The following TTN variants were observed in gnomAD, a reference collection of about 807,000 sequenced individuals.
The protein encoded by TTN is titin.
TTN carries 1,525 observed loss-of-function variants against 3,223.0 expected under a neutral mutation model. The ratio of observed to expected loss-of-function variants is 0.47; its 90% confidence interval spans 0.45 to 0.49. TTN has a LOEUF of 0.49. Among genes scored for constraint, TTN ranks in the 20% least tolerant of loss-of-function variants. The probability of loss-of-function intolerance (pLI) is 0.00; values close to 1 mark genes in which losing one functional copy is unlikely to be tolerated. For synonymous variants in TTN, 14,094 were observed against 15,161.0 expected (o/e 0.93, Z 5.17); for missense variants, 40,786 against 43,424.0 (o/e 0.94, Z 5.40).
Position 178,757,524 on chromosome 2 carries a change from A to C in TTN, c.10678+18T>G. The C allele has an allele frequency of 1.3e-6, 2 of 1,528,344 alleles. No homozygotes were observed. The highest frequency in any genetic ancestry group is 1.8e-6 in the Non-Finnish European group (2 of 1,138,022). 94.7% of individuals were successfully genotyped at this position (1,528,344 alleles called of 1,614,324 possible). A position where few individuals can be genotyped will look rare whatever the true frequency, so the allele number is the denominator to read the frequency against. Reference sequence around the variant, plus strand: ...GGTATACAGCAAATCAAAGTCCTTGAAGCAAGATGGGCTTTACCTTTTGGA... The same window carrying C: ...GGTATACAGCAAATCAAAGTCCTTGCAGCAAGATGGGCTTTACCTTTTGGA... On this transcript the variant is annotated intron_variant, in intron 45 of 362. Coordinates refer to ENST00000589042, the MANE Select transcript of TTN (RefSeq NM_001267550.2).
rs1347409697 is a variant in TTN, at chr2:178,735,922, T to C, written c.14524A>G (p.Arg4842Gly). The change falls in exon 50 of 363, where the codon AGG becomes GGG. Residue 4842 changes from arginine to glycine, a missense_variant. Physicochemically the swap from Arg to Gly is moderately radical, Grantham distance 125. Coordinates refer to ENST00000589042, the MANE Select transcript of TTN (RefSeq NM_001267550.2). ...GAALSPSPNW[R>G]ISDAENKHIL... ...TGTTTGTTTTCTGCGTCGGAAATCC[T>C]CCAGTTAGGTGAAGGTGAGAGTGCA... is the stretch of plus-strand genomic sequence containing the variant. The C allele has an allele frequency of 2.5e-6, 4 of 1,613,826 alleles. No individual in the cohort carries two copies. Among genetic ancestry groups the C allele is most frequent in the Non-Finnish European group, 3.4e-6 (4 of 1,179,838 alleles).
rs1481397518 is a variant in TTN, at chr2:178,607,587, C to T, written c.53101G>A (p.Val17701Ile). ...TCTTTGGTCCATACTTTTGTAGGTA[C>T]AGGGCGACCAGTCACCACAGCTGGA... ...RIPAVVTGRP[V>I]PTKVWTKEEG... Residue 17701 changes from valine (V) to isoleucine (I), a missense_variant, in exon 277 of 363, where the codon GTA becomes ATA. By Grantham distance (29) the Val-to-Ile change is conservative (BLOSUM62 3). Transcript: ENST00000589042. 10 of 1,613,056 alleles carry T rather than the reference C, an allele frequency of 6.2e-6. No homozygotes were observed. The highest frequency in any genetic ancestry group is 8.5e-6 in the Non-Finnish European group (10 of 1,179,384).
chr2:178,539,597 T>A lies in TTN; in HGVS notation c.98468A>T (p.Asp32823Val). Residue 32823 changes from aspartate (D) to valine (V), a missense_variant, in exon 352 of 363, where the codon GAT becomes GTT. By Grantham distance (152) the Asp-to-Val change is radical. Coordinates refer to ENST00000589042, the MANE Select transcript of TTN (RefSeq NM_001267550.2). Reference protein sequence around the residue: ...VRVSWRPPADDGGADILGYIL... With the variant: ...VRVSWRPPADVGGADILGYIL... ...GTAGCCTAAGATGTCAGCACCACCA[T>A]CATCAGCAGGAGGTCTCCAGCTGAC... 1 of 1,613,874 alleles carries A rather than the reference T, an allele frequency of 6.2e-7. No homozygotes were observed. Among genetic ancestry groups the A allele is most frequent in the Non-Finnish European group, 8.5e-7 (1 of 1,179,798 alleles).
At chr2:178,556,153 G>C (rs1701333573) in intron 330 of TTN, 1 of 152,394 alleles carries the variant, frequency 6.6e-6, no homozygotes, top group Non-Finnish European at 1.5e-5. Flanking sequence ...GTTTAGACCA[G>C]GCATGGTGGC....
At chr2:178,774,137 G>C (rs2091918243) in intron 30 of TTN, 27 bp from the exon 31 acceptor site, 1 of 1,614,064 alleles carries the variant, frequency 6.2e-7, no homozygotes, top group African/African-American at 1.3e-5. Context: ...GAAAAAGAAT[G>C]TTATGATCAT....
chr2:178,783,235 ATATAT>A lies in TTN; in HGVS notation c.2842-176_2842-172del, dbSNP rs67143080. On this transcript the variant is annotated intron_variant, in intron 17 of 362. Coordinates refer to ENST00000589042, the MANE Select transcript of TTN (RefSeq NM_001267550.2). ...AAACTAATATTTATATAATATACTA[ATATAT>A]TAGTAAAGAGCTGTAAGGCTCAATA... 0.37 allele frequency among the ~76,000 whole-genome samples: 56,761 copies of A among 151,676 alleles called. 11,275 individuals are homozygous for A. Among genetic ancestry groups the A allele is most frequent in the Middle Eastern group, 0.45 (133 of 294 alleles).
Position 178,617,368 on chromosome 2 carries a change from C to A in TTN, c.47717G>T (p.Trp15906Leu). Residue 15906 changes from tryptophan (W) to leucine (L), a missense_variant, in exon 254 of 363, where the codon TGG (tryptophan) becomes TTG (leucine). Trp to Leu is a moderately conservative substitution (Grantham distance 61, BLOSUM62 -2). Transcript: ENST00000589042. ...IERCEEGKDN[W>L]IRCNMKLVPE... ...GACAAGTTTCATATTGCAACGAATCCAATTATCTTTTCCTTCTTCGCATCG... is the reference window on the plus strand; with the variant it reads ...GACAAGTTTCATATTGCAACGAATCAAATTATCTTTTCCTTCTTCGCATCG... 6.3e-7 allele frequency: 1 copy of A among 1,585,558 alleles called. No homozygotes were observed. Among genetic ancestry groups the A allele is most frequent in the Non-Finnish European group, 8.6e-7 (1 of 1,169,398 alleles).
intron 295 of TTN, 129 bp from the exon 296 acceptor site, chr2:178,594,775 A>G: frequency 2.9e-6 from 2 of 693,062 alleles, no homozygotes; most frequent in Non-Finnish European, 2.3e-6. Context: ...TAAATAGCAA[A>G]AGAGATCTCA....
Position 178,570,518 on chromosome 2 carries a change from G to A in TTN, c.75614C>T (p.Pro25205Leu), listed in dbSNP as rs1324051113. Residue 25205 changes from proline (P) to leucine (L), a missense_variant, in exon 326 of 363, where the codon CCA (proline) becomes CTA (leucine). By Grantham distance (98) the Pro-to-Leu change is moderately conservative. Transcript: ENST00000589042. The stretch of plus-strand genomic sequence containing the variant: ...AACAACAGGTCCTTCAGGTGGCCCT[G>A]GTCTGTCAAGAACCTTGACATTCAC... Reference protein sequence around the residue: ...VTVNVKVLDRPGPPEGPVVIS... With the variant: ...VTVNVKVLDRLGPPEGPVVIS... The A allele has an allele frequency of 6.8e-6, 11 of 1,613,080 alleles. No homozygotes were observed. Among genetic ancestry groups the A allele is most frequent in the Non-Finnish European group, 8.5e-6 (10 of 1,179,550 alleles).
intron 311 of TTN, 22 bp downstream of exon 311, chr2:178,584,254 A>AC (rs3041809): frequency 1.0e-5 from 16 of 1,530,696 alleles, no homozygotes; most frequent in Non-Finnish European, 1.4e-5. Context: ...AACAACAACA[A>AC]TAAAAAAACC....
rs369753681 is a variant in TTN at position 178,619,901 on chromosome 2, G to A, written c.46430-14C>T. The A allele has an allele frequency of 6.2e-7, 1 of 1,604,004 alleles. No individual in the cohort carries two copies. The highest frequency in any genetic ancestry group is 8.5e-7 in the Non-Finnish European group (1 of 1,177,034). On this transcript the variant is annotated splice_polypyrimidine_tract_variant and intron_variant, in intron 249 of 362. Transcript: ENST00000589042. ...CAACAGGAATTTCTGGAAAGAAAAT[G>A]TGAAATAAATACAAATATGTTTACA...
intron 200 of TTN, 42 bp from the exon 201 acceptor site, chr2:178,652,778 A>C (rs2063299772): frequency 6.2e-7 from 1 of 1,607,552 alleles, no homozygotes; most frequent in South Asian, 1.1e-5. Context: ...GGTTATGAAG[A>C]CCACTAGAAA....
At chr2:178,724,567 A>G (rs1578063321) in intron 71 of TTN, 29 bp from the exon 72 acceptor site, 1 of 1,545,014 alleles carries the variant, frequency 6.5e-7, no homozygotes, top group Non-Finnish European at 8.7e-7. Flanking sequence ...TCCATCTGTC[A>G]AAGTCTGGGA....
Position 178,528,362 on chromosome 2 carries a change from A to G in TTN, c.107289T>C (p.Asn35763=), listed in dbSNP as rs900676745. 5 of 1,613,940 alleles carry G rather than the reference A, an allele frequency of 3.1e-6. No homozygotes were observed. Among genetic ancestry groups the G allele is most frequent in the Non-Finnish European group, 4.2e-6 (5 of 1,179,854 alleles). ...SRNVYSLEIR[N]ASVSDSGKYT... ...ACTTTCCACTGTCGCTGACTGATGCATTTCGGATTTCAAGGGAGTATACAT... is the reference window on the plus strand; with the variant it reads ...ACTTTCCACTGTCGCTGACTGATGCGTTTCGGATTTCAAGGGAGTATACAT... The change falls in exon 361 of 363, where the codon AAT becomes AAC. Residue 35763 remains asparagine, a synonymous_variant. Transcript: ENST00000589042.
Position 178,537,164 on chromosome 2 carries a change from G to T in TTN, c.99945C>A (p.Pro33315=). ...TGATCCAGGAGCCTCCGTCATCTGC[G>T]GGTGGTTTCCAGCTGATCACTGCGG... ...KNSAVISWKP[P]ADDGGSWITN... Residue 33315 remains proline (P), a synonymous_variant, in exon 356 of 363, where the codon CCC becomes CCA. Coordinates refer to ENST00000589042, the MANE Select transcript of TTN (RefSeq NM_001267550.2). 6.2e-7 allele frequency: 1 copy of T among 1,613,594 alleles called. No homozygotes were observed.
chr2:178,635,951 G>C lies in TTN; in HGVS notation c.41608+12C>G. 2.6e-6 allele frequency: 4 copies of C among 1,566,706 alleles called. No homozygotes were observed. The highest frequency in any genetic ancestry group is 3.5e-6 in the Non-Finnish European group (4 of 1,157,376). On this transcript the variant is annotated intron_variant, in intron 226 of 362. Coordinates refer to ENST00000589042, the MANE Select transcript of TTN (RefSeq NM_001267550.2). ...CAATAAGCAGAACGAAATCTCCCAG[G>C]AAAGTACTAACCTACTACTTTTACG...
At chr2:178,630,998 A>G (rs906356721) in intron 237 of TTN, 36 bp downstream of exon 237, 10 of 1,611,860 alleles carry the variant, frequency 6.2e-6, no homozygotes, top group African/African-American at 2.7e-5. Context: ...AATAACCCCA[A>G]TGCTTCAAGA....
rs370809363 is a variant in TTN, at chr2:178,615,436, T to C, written c.48509A>G (p.Asn16170Ser). 77 of 1,612,558 alleles carry C rather than the reference T, an allele frequency of 4.8e-5. No homozygotes were observed. The African/African-American group carries it at 8.0e-4, about 17-fold the overall frequency. The change falls in exon 259 of 363, where the codon AAT becomes AGT. Residue 16170 changes from asparagine to serine, a missense_variant. By Grantham distance (46) the Asn-to-Ser change is conservative. Coordinates refer to ENST00000589042, the MANE Select transcript of TTN (RefSeq NM_001267550.2). ...ENVKWRDRTA[N>S]SIFLTWDPPK... ...TGGATCCCATGTTAAGAAGATGCTA[T>C]TGGCTGTTCGATCTCTCCATTTAAC... is the stretch of plus-strand genomic sequence containing the variant.
chr2:178,797,472 T>C (rs755190981), intron 6 of TTN, among the ~76,000 whole-genome samples: 1 of 152,132 alleles, frequency 6.6e-6, no homozygotes. Flanking sequence ...CTTTAAAAAT[T>C]AATTTGTGGA....
Sources: allele counts gnomAD v4.1 joint callset (sites outside exome capture counted in the v4.1 genomes callset), GRCh38; gene constraint gnomAD v4.1.1; transcripts MANE v1.5; gene names NCBI Gene and HGNC (gene_info 2026-07-23, HGNC 2026-07-21).